GUCY1A2: variants seen among roughly 807,000 people sequenced by gnomAD.
GUCY1A2 encodes guanylate cyclase soluble subunit alpha-2.
A neutral mutation model predicts 63.5 loss-of-function variants in GUCY1A2; 27 were observed. That is an observed-to-expected ratio of 0.43 (90% CI 0.31 to 0.59). The LOEUF (loss-of-function observed/expected upper bound fraction) is 0.59. GUCY1A2 is among the 20% of genes least tolerant of loss of function. The pLI is 0.11. For synonymous variants in GUCY1A2, 364 were observed against 343.5 expected (o/e 1.06, Z -0.66); for missense variants, 768 against 913.3 (o/e 0.84, Z 2.05).
intron 1 of GUCY1A2, among the ~76,000 whole-genome samples, chr11:107,016,937 G>C (rs1286185178): frequency 2.0e-5 from 3 of 152,162 alleles, no homozygotes; most frequent in Non-Finnish European, 4.4e-5. Context: ...TTAATACCTA[G>C]GTGATGAGTT....
At chr11:106,701,968 TATC>T (rs1254203979) in intron 7 of GUCY1A2, among the ~76,000 whole-genome samples, 2 of 152,156 alleles carry the variant, frequency 1.3e-5, no homozygotes, top group Admixed American at 1.3e-4. Flanking sequence ...TTCAAGTAGT[TATC>T]AACCCATGGG....
intron 6 of GUCY1A2, among the ~76,000 whole-genome samples, chr11:106,714,962 T>C (rs1351306619): frequency 6.6e-6 from 1 of 151,504 alleles, no homozygotes; most frequent in Admixed American, 6.6e-5. Flanking sequence ...CAAAGCATAG[T>C]AGACTTTATT....
chr11:106,729,545 T>G (rs2135370052), intron 6 of GUCY1A2, among the ~76,000 whole-genome samples: 1 of 152,210 alleles, frequency 6.6e-6, no homozygotes, highest in South Asian at 2.1e-4. Flanking sequence ...ATACAGCCAT[T>G]TTGTGGAAAC....
intron 5 of GUCY1A2, among the ~76,000 whole-genome samples, chr11:106,794,242 A>G (rs1033514303): frequency 6.6e-6 from 1 of 152,164 alleles, no homozygotes; most frequent in African/African-American, 2.4e-5. Flanking sequence ...AGCCAGACAC[A>G]GAAAGATAAA....
At chr11:106,949,343 C>T (rs1860873296) in intron 3 of GUCY1A2, among the ~76,000 whole-genome samples, 2 of 152,164 alleles carry the variant, frequency 1.3e-5, no homozygotes. Context: ...TTTCACACCT[C>T]TATACCAGCC....
At chr11:107,016,558 A>G (rs7104886) in intron 1 of GUCY1A2, among the ~76,000 whole-genome samples, 2 of 152,236 alleles carry the variant, frequency 1.3e-5, no homozygotes, top group Non-Finnish European at 2.9e-5. Context: ...GCTGATACAG[A>G]CATCCCAAGA....
intron 4 of GUCY1A2, among the ~76,000 whole-genome samples, chr11:106,855,637 T>C (rs1859419178): frequency 6.6e-6 from 1 of 152,170 alleles, no homozygotes; most frequent in Non-Finnish European, 1.5e-5. Context: ...ACTAAAAACA[T>C]TTGTTGAAAA....
At chr11:106,844,316 A>C (rs1859241779) in intron 4 of GUCY1A2, among the ~76,000 whole-genome samples, 1 of 151,900 alleles carries the variant, frequency 6.6e-6, no homozygotes, top group Non-Finnish European at 1.5e-5. Context: ...ACATTTCTGA[A>C]GGGTTTTTTC....
intron 2 of GUCY1A2, among the ~76,000 whole-genome samples, chr11:106,983,526 G>A (rs1220869777): frequency 6.6e-6 from 1 of 152,098 alleles, no homozygotes. Flanking sequence ...ACCAGTATAA[G>A]AATCCAAGGA....
chr11:106,675,148 C>T lies in GUCY1A2; in HGVS notation c.*12401G>A, dbSNP rs1862323606. ...AATGATATGTATTATTTCTGGAATGCACTTAATCAGTATTTTAAAAGCATA... is the reference window on the plus strand; with the variant it reads ...AATGATATGTATTATTTCTGGAATGTACTTAATCAGTATTTTAAAAGCATA... On this transcript the variant is annotated 3_prime_UTR_variant, in exon 8 of 8. Coordinates refer to ENST00000526355, the MANE Select transcript of GUCY1A2 (RefSeq NM_000855.3). 2 of 212,652 alleles carry T rather than the reference C, an allele frequency of 9.4e-6. No individual in the cohort carries two copies. Among genetic ancestry groups the T allele is most frequent in the African/African-American group, 4.5e-5 (2 of 44,136 alleles). The allele number at this position is 212,652 out of a possible 1,614,324, so 13.2% of individuals were successfully genotyped here.
At chr11:106,909,689 C>G (rs145077683) in intron 4 of GUCY1A2, among the ~76,000 whole-genome samples, 1,944 of 152,062 alleles carry the variant, frequency 0.013, 26 homozygotes, top group South Asian at 0.048. Flanking sequence ...ATCAATAGCT[C>G]CATCCTCTTT....
intron 4 of GUCY1A2, among the ~76,000 whole-genome samples, chr11:106,821,357 A>C (rs1431757095): frequency 6.6e-6 from 1 of 152,202 alleles, no homozygotes; most frequent in Non-Finnish European, 1.5e-5. Flanking sequence ...CCACAGGGTG[A>C]AAATGATTTT....
chr11:106,815,826 G>A lies in GUCY1A2; in HGVS notation c.1207-5348C>T, dbSNP rs143629675. Among the ~76,000 whole-genome samples the A allele has an allele frequency of 3.0e-3, 449 of 151,722 alleles. 1 individual carries two copies. Among genetic ancestry groups the A allele is most frequent in the African/African-American group, 0.01 (425 of 41,434 alleles). On this transcript the variant is annotated intron_variant, in intron 4 of 7. Coordinates refer to ENST00000526355, the MANE Select transcript of GUCY1A2 (RefSeq NM_000855.3). ...CACCACACACAAAGGAGAAGGTGAC[G>A]TGAAGAAAGAGACATAGATTAGAGT...
At chr11:106,797,349 C>T (rs996211106) in intron 5 of GUCY1A2, among the ~76,000 whole-genome samples, 1 of 151,968 alleles carries the variant, frequency 6.6e-6, no homozygotes, top group Non-Finnish European at 1.5e-5. Flanking sequence ...GAGAGGCGCT[C>T]TGATCAACAT....
chr11:107,017,795 C>T lies in GUCY1A2; in HGVS notation c.261G>A (p.Leu87=). 7.0e-7 allele frequency: 1 copy of T among 1,422,108 alleles called. No individual in the cohort carries two copies. Among genetic ancestry groups the T allele is most frequent in the South Asian group, 1.5e-5 (1 of 65,326 alleles). 88.1% of individuals were successfully genotyped at this position (1,422,108 alleles called of 1,614,324 possible). The change falls in exon 1 of 8, where the codon CTG becomes CTA. Residue 87 remains leucine (L), a synonymous_variant. Coordinates refer to ENST00000526355, the MANE Select transcript of GUCY1A2 (RefSeq NM_000855.3). Reference sequence around the variant, plus strand: ...GGCTGATGCTCTCGCCCAGCGAGTCCAGGTTGACCCGCCTCCGGCGCTGCA... The same window carrying T: ...GGCTGATGCTCTCGCCCAGCGAGTCTAGGTTGACCCGCCTCCGGCGCTGCA... ...RRVQRRRRVN[L]DSLGESISRL...
chr11:106,896,776 T>A (rs1356740268), intron 4 of GUCY1A2, among the ~76,000 whole-genome samples: 2 of 152,238 alleles, frequency 1.3e-5, no homozygotes, highest in African/African-American at 4.8e-5. Context: ...TGCCACTGTC[T>A]TGATCTTGAA....
chr11:107,009,891 A>G (rs2513114), intron 1 of GUCY1A2, among the ~76,000 whole-genome samples: 120,871 of 152,120 alleles, frequency 0.79, 48,661 homozygotes, highest in African/African-American at 0.92. Flanking sequence ...TACCTTCAGC[A>G]TGCTGAGCAA....
At chr11:106,747,063 C>T (rs571593508) in intron 6 of GUCY1A2, among the ~76,000 whole-genome samples, 3 of 152,302 alleles carry the variant, frequency 2.0e-5, no homozygotes, top group Admixed American at 6.5e-5. Context: ...TCTTGGCTCA[C>T]TGCAAGCTCC....
At chr11:106,847,990 C>T (rs1259814904) in intron 4 of GUCY1A2, among the ~76,000 whole-genome samples, 1 of 151,350 alleles carries the variant, frequency 6.6e-6, no homozygotes, top group African/African-American at 2.4e-5. Context: ...ACACCATGAC[C>T]AAATAAGGAA....
Sources: gnomAD v4.1 joint callset for allele counts (sites outside exome capture counted in the v4.1 genomes callset) on GRCh38, gnomAD v4.1.1 for gene constraint, MANE v1.5 for transcripts, NCBI Gene and HGNC (gene_info 2026-07-23, HGNC 2026-07-21) for gene names.